The following NRG3 variants were observed in gnomAD, a reference collection of about 807,000 sequenced individuals.
NRG3 encodes the protein pro-neuregulin-3, membrane-bound isoform.
Under a neutral mutation model 66.9 loss-of-function variants are expected in NRG3, and 31 were observed. That is an observed-to-expected ratio of 0.46 (90% confidence interval 0.35 to 0.63). The LOEUF is 0.63. Ranked by LOEUF, NRG3 falls within the 20% of genes least tolerant of loss-of-function variation. NRG3 has a pLI of 0.00. For synonymous variants in NRG3, 393 were observed against 359.4 expected, an observed-to-expected ratio of 1.09 and a Z score of -1.06; for missense variants, 910 against 878.9, an observed-to-expected ratio of 1.04 and a Z score of -0.45.
At chr10:82,855,947 T>G (rs893063252) in intron 3 of NRG3, among the ~76,000 whole-genome samples, 4 of 152,204 alleles carry the variant, frequency 2.6e-5, no homozygotes, top group African/African-American at 9.6e-5. Context: ...AGCCATGAGT[T>G]GGACCCTGTT....
chr10:81,936,044 TGTGTTCACCATGTAA>T (rs965744907), intron 1 of NRG3, among the ~76,000 whole-genome samples: 1 of 152,158 alleles, frequency 6.6e-6, no homozygotes, highest in Non-Finnish European at 1.5e-5. Flanking sequence ...TGGTCCTGCC[TGTGTTCACCATGTAA>T]GTGGGCAGAC....
At chr10:82,392,271 C>CA (rs2086428370) in intron 2 of NRG3, among the ~76,000 whole-genome samples, 2 of 152,054 alleles carry the variant, frequency 1.3e-5, no homozygotes, top group African/African-American at 4.8e-5. Context: ...AATAATATGC[C>CA]AAAATGCCAC....
chr10:81,955,729 T>A (rs1041059634), intron 1 of NRG3, among the ~76,000 whole-genome samples: 1 of 152,134 alleles, frequency 6.6e-6, no homozygotes, highest in Non-Finnish European at 1.5e-5. Context: ...TTATCCTTTT[T>A]TTCCAGCTAA....
In NRG3 at chr10:81,998,418, A is replaced by G. The variant is rs1318196482; in HGVS notation, c.823+122255A>G. On this transcript the variant is annotated intron_variant, in intron 1 of 8. Transcript: ENST00000372141. ...CAAACTGGCCACTCTGATTCTAGGA[A>G]CTTTGTGGTATGCTGTTGTCTTCAT... 2.6e-5 allele frequency among the ~76,000 whole-genome samples: 4 copies of G among 152,150 alleles called. No individual in the cohort carries two copies. In the East Asian group the frequency reaches 7.8e-4, roughly 30 times the overall value.
intron 2 of NRG3, among the ~76,000 whole-genome samples, chr10:82,656,311 T>C (rs1565172214): frequency 1.3e-5 from 2 of 148,612 alleles, no homozygotes; most frequent in East Asian, 3.9e-4. Context: ...CTTTTTTCTT[T>C]TTTTTTTTTT....
chr10:82,954,600 A>G (rs1404698302), intron 5 of NRG3, among the ~76,000 whole-genome samples: 2 of 151,840 alleles, frequency 1.3e-5, no homozygotes, highest in African/African-American at 2.4e-5. Flanking sequence ...TGATGATACA[A>G]ATGGAAGTAT....
At chr10:82,894,664 G>A (rs146011595) in intron 4 of NRG3, among the ~76,000 whole-genome samples, 2,799 of 152,090 alleles carry the variant, frequency 0.018, 37 homozygotes, top group Middle Eastern at 0.041. Context: ...CCTTCACTGA[G>A]AAATATTCCC....
intron 2 of NRG3, among the ~76,000 whole-genome samples, chr10:82,443,913 A>G (rs552765046): frequency 6.6e-6 from 1 of 152,224 alleles, no homozygotes; most frequent in African/African-American, 2.4e-5. Flanking sequence ...CTGGTCACCT[A>G]TGGGGATAAT....
intron 4 of NRG3, among the ~76,000 whole-genome samples, chr10:82,879,124 C>T (rs925075546): frequency 3.9e-5 from 6 of 152,158 alleles, no homozygotes; most frequent in Non-Finnish European, 5.9e-5. Context: ...TAAAATCTAA[C>T]TAATTTATGT....
chr10:82,223,244 C>T (rs1453389058), intron 1 of NRG3, among the ~76,000 whole-genome samples: 3 of 152,070 alleles, frequency 2.0e-5, no homozygotes, highest in East Asian at 3.9e-4. Flanking sequence ...GCTGGAATGC[C>T]GGAGAGCCAA....
In NRG3 at chr10:82,073,773, C is replaced by T. The variant is rs146105742; in HGVS notation, c.823+197610C>T. ...ATATTGCTCAAATGTAATTTCTTTACGATAGTTTCCTAGTATTGGAATTGT... is the reference window on the plus strand; with the variant it reads ...ATATTGCTCAAATGTAATTTCTTTATGATAGTTTCCTAGTATTGGAATTGT... On this transcript the variant is annotated intron_variant, in intron 1 of 8. Coordinates refer to ENST00000372141, the MANE Select transcript of NRG3 (RefSeq NM_001010848.4). Among the ~76,000 whole-genome samples, 371 of 152,206 alleles carry T rather than the reference C, an allele frequency of 2.4e-3. 2 individuals are homozygous for T. The highest frequency in any genetic ancestry group is 0.017 in the Middle Eastern group (5 of 294).
chr10:81,994,533 T>G (rs1189511987), intron 1 of NRG3, among the ~76,000 whole-genome samples: 1 of 148,678 alleles, frequency 6.7e-6, no homozygotes, highest in East Asian at 2.1e-4. Flanking sequence ...AAGTATGCCT[T>G]TAACTGCTTT....
chr10:82,937,271 C>T (rs1237088973), intron 4 of NRG3, among the ~76,000 whole-genome samples: 1 of 152,160 alleles, frequency 6.6e-6, no homozygotes, highest in Non-Finnish European at 1.5e-5. Context: ...ACACTGTGCT[C>T]AGTAAATGCA....
chr10:82,904,033 T>C (rs2131904326), intron 4 of NRG3, among the ~76,000 whole-genome samples: 1 of 152,268 alleles, frequency 6.6e-6, no homozygotes, highest in Admixed American at 6.5e-5. Flanking sequence ...CAGCTTGTAT[T>C]TTAACATCTT....
chr10:82,316,059 T>G (rs999756999), intron 1 of NRG3, among the ~76,000 whole-genome samples: 1 of 152,138 alleles, frequency 6.6e-6, no homozygotes, highest in Non-Finnish European at 1.5e-5. Context: ...AGCAATGGTG[T>G]TGTTAGTGTG....
chr10:82,678,839 G>T (rs1426413937), intron 2 of NRG3, among the ~76,000 whole-genome samples: 2 of 152,148 alleles, frequency 1.3e-5, no homozygotes, highest in Admixed American at 6.5e-5. Context: ...TTCCTCAGAA[G>T]AGTGTTGACA....
intron 1 of NRG3, among the ~76,000 whole-genome samples, chr10:82,294,174 C>G (rs2079911486): frequency 6.6e-6 from 1 of 152,158 alleles, no homozygotes; most frequent in African/African-American, 2.4e-5. Context: ...CCTCAGTCTT[C>G]TCTGATGGAA....
intron 2 of NRG3, among the ~76,000 whole-genome samples, chr10:82,674,011 C>T (rs2053489605): frequency 6.6e-6 from 1 of 152,042 alleles, no homozygotes; most frequent in Admixed American, 6.6e-5. Flanking sequence ...AGATGTTCAA[C>T]AGTGTTGCTG....
chr10:82,536,434 A>G (rs543859119), intron 2 of NRG3, among the ~76,000 whole-genome samples: 9 of 152,280 alleles, frequency 5.9e-5, no homozygotes, highest in East Asian at 5.8e-4. Context: ...GAATTTCTCT[A>G]TTTTACAAAC....
Sources: allele counts gnomAD v4.1 joint callset (sites outside exome capture counted in the v4.1 genomes callset), GRCh38; gene constraint gnomAD v4.1.1; transcripts MANE v1.5; gene names NCBI Gene and HGNC (gene_info 2026-07-23, HGNC 2026-07-21).